Variants in ATRNL1 observed in about 807,000 individuals in gnomAD.
ATRNL1 encodes attractin like 1, also known as attractin-like protein 1.
Under a neutral mutation model 182.7 loss-of-function variants are expected in ATRNL1, and 95 were observed. That is an observed-to-expected ratio of 0.52 (90% CI 0.44 to 0.62). ATRNL1 has a LOEUF of 0.62. Among genes scored for constraint, ATRNL1 ranks in the 20% least tolerant of loss-of-function variants. The pLI, the probability that ATRNL1 is intolerant of heterozygous loss-of-function variation, is 0.00. For missense variants in ATRNL1, 1,471 were observed against 1,679.5 expected (o/e 0.88, Z 2.17); for synonymous variants, 576 against 568.3 (o/e 1.01, Z -0.19).
At chr10:115,201,992 A>C (rs1195998633) in intron 8 of ATRNL1, among the ~76,000 whole-genome samples, 3 of 151,974 alleles carry the variant, frequency 2.0e-5, no homozygotes, top group African/African-American at 7.3e-5. Context: ...TCTTTGAAGC[A>C]GTTGTGAATG....
chr10:115,846,064 A>G (rs1286620948), intron 27 of ATRNL1, among the ~76,000 whole-genome samples: 5 of 152,056 alleles, frequency 3.3e-5, no homozygotes, highest in African/African-American at 1.2e-4. Flanking sequence ...GCTGATTTTT[A>G]CTTAACATTT....
At chr10:115,363,230 G>C (rs572553894) in intron 19 of ATRNL1, among the ~76,000 whole-genome samples, 7 of 151,552 alleles carry the variant, frequency 4.6e-5, no homozygotes, top group African/African-American at 1.5e-4. Flanking sequence ...GTGTGAGATG[G>C]TATCTCATTG....
intron 27 of ATRNL1, among the ~76,000 whole-genome samples, chr10:115,834,266 T>C (rs1387680779): frequency 6.6e-5 from 10 of 152,212 alleles, no homozygotes; most frequent in African/African-American, 1.9e-4. Flanking sequence ...ATATTCCTTC[T>C]TTATTTTGTC....
intron 21 of ATRNL1, among the ~76,000 whole-genome samples, chr10:115,440,232 C>T (rs1294392559): frequency 5.9e-5 from 9 of 151,932 alleles, no homozygotes; most frequent in African/African-American, 2.2e-4. Context: ...TTCCCTCTTC[C>T]ATCCCTGAAA....
chr10:115,653,133 ATTAAATGTAAAGGC>A (rs1228500554), intron 26 of ATRNL1, among the ~76,000 whole-genome samples: 1 of 152,240 alleles, frequency 6.6e-6, no homozygotes, highest in Non-Finnish European at 1.5e-5. Flanking sequence ...GATTTATGAC[ATTAAATGTAAAGGC>A]TTTCACATGC....
At chr10:115,350,553 C>T (rs1856199972) in intron 19 of ATRNL1, among the ~76,000 whole-genome samples, 1 of 151,904 alleles carries the variant, frequency 6.6e-6, no homozygotes, top group Non-Finnish European at 1.5e-5. Context: ...AGTGTATGTT[C>T]TTGGCACCTT....
At chr10:115,743,451 T>C (rs1948199246) in intron 27 of ATRNL1, among the ~76,000 whole-genome samples, 1 of 151,674 alleles carries the variant, frequency 6.6e-6, no homozygotes, top group African/African-American at 2.4e-5. Flanking sequence ...ATTCTTAAAG[T>C]TCGAAACAAA....
chr10:115,169,888 T>G (rs1847217271), intron 7 of ATRNL1, among the ~76,000 whole-genome samples: 1 of 152,142 alleles, frequency 6.6e-6, no homozygotes, highest in African/African-American at 2.4e-5. Context: ...AGTATTTTAT[T>G]CTTTTAGATG....
intron 18 of ATRNL1, among the ~76,000 whole-genome samples, chr10:115,328,105 A>T (rs557468143): frequency 3.7e-4 from 51 of 136,882 alleles, no homozygotes; most frequent in East Asian, 2.7e-3. Context: ...AAAATAATTT[A>T]AAAAAAAGAA....
At chr10:115,686,761 A>G (rs1555046434) in intron 26 of ATRNL1, among the ~76,000 whole-genome samples, 1 of 152,040 alleles carries the variant, frequency 6.6e-6, no homozygotes, top group East Asian at 1.9e-4. Flanking sequence ...GTTATCTTCC[A>G]TCATTTTGCA....
At chr10:115,270,477 A>G (rs1421506438) in intron 13 of ATRNL1, among the ~76,000 whole-genome samples, 1 of 148,454 alleles carries the variant, frequency 6.7e-6, no homozygotes, top group African/African-American at 2.5e-5. Flanking sequence ...AATGAGATTT[A>G]TTATAAGAAA....
At chr10:115,677,143 A>G (rs1415122371) in intron 26 of ATRNL1, among the ~76,000 whole-genome samples, 1 of 152,138 alleles carries the variant, frequency 6.6e-6, no homozygotes, top group African/African-American at 2.4e-5. Context: ...ATAAAAGAAA[A>G]CAAGTCGATA....
intron 21 of ATRNL1, among the ~76,000 whole-genome samples, chr10:115,458,758 G>T (rs1657426110): frequency 6.6e-6 from 1 of 152,034 alleles, no homozygotes; most frequent in Admixed American, 6.6e-5. Flanking sequence ...TTAATGCTTA[G>T]TTGCAGTCTT....
chr10:115,096,314 T>C (rs10885650), intron 1 of ATRNL1, among the ~76,000 whole-genome samples: 43,650 of 152,076 alleles, frequency 0.29, 8,069 homozygotes, highest in Middle Eastern at 0.41. Context: ...ATGTATACTC[T>C]TGGGGATAAA....
chr10:115,135,142 C>T (rs1353003285), intron 5 of ATRNL1, among the ~76,000 whole-genome samples: 1 of 152,196 alleles, frequency 6.6e-6, no homozygotes, highest in East Asian at 1.9e-4. Flanking sequence ...GGGATGTCCT[C>T]TCTCACCAGT....
intron 13 of ATRNL1, among the ~76,000 whole-genome samples, chr10:115,278,822 AT>A (rs1323449021): frequency 1.3e-5 from 2 of 152,088 alleles, no homozygotes; most frequent in Non-Finnish European, 2.9e-5. Context: ...CAGTTGGATG[AT>A]TTTTTTATAT....
chr10:115,612,433 G>C (rs147460676), intron 26 of ATRNL1, among the ~76,000 whole-genome samples: 1 of 152,314 alleles, frequency 6.6e-6, no homozygotes, highest in East Asian at 1.9e-4. Flanking sequence ...CTATTCTGGA[G>C]TGTGCAGTAT....
At chr10:115,791,752 A>G (rs1949536897) in intron 27 of ATRNL1, among the ~76,000 whole-genome samples, 1 of 152,002 alleles carries the variant, frequency 6.6e-6, no homozygotes, top group African/African-American at 2.4e-5. Context: ...TTTCTTCCCT[A>G]GTTTGGCATA....
intron 8 of ATRNL1, among the ~76,000 whole-genome samples, chr10:115,202,650 A>T (rs1397990915): frequency 1.4e-5 from 2 of 145,604 alleles, no homozygotes; most frequent in East Asian, 2.0e-4. Context: ...TTTATTGAGG[A>T]TTTTTGCATC....
Sources: gnomAD v4.1 joint callset for allele counts (sites outside exome capture counted in the v4.1 genomes callset) on GRCh38, gnomAD v4.1.1 for gene constraint, MANE v1.5 for transcripts, NCBI Gene and HGNC (gene_info 2026-07-23, HGNC 2026-07-21) for gene names.